The following HNRNPUL1 variants were observed in gnomAD, a reference collection of about 807,000 sequenced individuals.
HNRNPUL1 encodes heterogeneous nuclear ribonucleoprotein U-like protein 1.
HNRNPUL1 carries 14 observed loss-of-function variants against 108.5 expected under a neutral mutation model. The observed-to-expected ratio is 0.13, with a 90% CI of 0.09 to 0.20. The LOEUF (loss-of-function observed/expected upper bound fraction) is 0.20. HNRNPUL1 is among the 10% of genes least tolerant of loss of function. The probability of loss-of-function intolerance (pLI) is 1.00; values close to 1 mark genes in which losing one functional copy is unlikely to be tolerated. For missense variants in HNRNPUL1, 804 were observed against 1,168.3 expected, an observed-to-expected ratio of 0.69 and a Z score of 4.55; for synonymous variants, 422 against 445.2, an observed-to-expected ratio of 0.95 and a Z score of 0.66.
At position 41,292,481 on chromosome 19, in the gene HNRNPUL1, C is replaced by T. The variant is rs763871796; in HGVS notation, c.1236C>T (p.Thr412=). The change falls in exon 8 of 15, where the codon ACC becomes ACT. Residue 412 remains threonine (T), a synonymous_variant. Coordinates refer to ENST00000392006, the MANE Select transcript of HNRNPUL1 (RefSeq NM_007040.6). This position sits in a 1 kb window ranked among gnomAD's most constrained non-coding sequence, Gnocchi z 4.1. The stretch of plus-strand genomic sequence containing the variant: ...CCCTTAGTGAGCGTATCCGGGGCAC[C>T]GTTGGACCAAAGAGCAAGGCAGAAT... ...HLPLSERIRG[T]VGPKSKAECE... 9.9e-6 allele frequency: 16 copies of T among 1,612,836 alleles called. No homozygotes were observed. Among genetic ancestry groups the T allele is most frequent in the East Asian group, 2.2e-5 (1 of 44,814 alleles).
chr19:41,302,675 G>A lies in HNRNPUL1; in HGVS notation c.1698G>A (p.Thr566=), dbSNP rs780628156. The A allele has an allele frequency of 1.1e-5, 18 of 1,614,018 alleles. No individual in the cohort carries two copies. Among genetic ancestry groups the A allele is most frequent in the Middle Eastern group, 1.6e-4 (1 of 6,084 alleles). The change falls in exon 12 of 15, where the codon ACG becomes ACA. Residue 566 remains threonine, a synonymous_variant. Transcript: ENST00000392006. ...HAVLEMKANF[T]LPDVGDFLDE... is the part of the protein sequence containing the mutation. The stretch of plus-strand genomic sequence containing the variant: ...CTTCCTTCCTCCTAGCCAACTTCAC[G>A]TTGCCAGATGTTGGGGACTTCCTGG...
intron 3 of HNRNPUL1, 71 bp from the exon 4 acceptor site, chr19:41,273,911 A>G (rs1395399307): frequency 4.8e-6 from 6 of 1,258,628 alleles, no homozygotes; most frequent in Non-Finnish European, 6.9e-6. Flanking sequence ...AGATTACAGC[A>G]GAACATTCAT....
chr19:41,270,677 C>T (rs1000225350), intron 2 of HNRNPUL1, among the ~76,000 whole-genome samples: 1 of 146,048 alleles, frequency 6.8e-6, no homozygotes. Context: ...CTCACTGCAA[C>T]CTCTGCCTCC....
intron 7 of HNRNPUL1, among the ~76,000 whole-genome samples, chr19:41,282,361 TA>T (rs1365152570): frequency 6.6e-6 from 1 of 152,142 alleles, no homozygotes; most frequent in Non-Finnish European, 1.5e-5. Flanking sequence ...TTTGTATTTT[TA>T]GTAGAGACGG....
intron 3 of HNRNPUL1, among the ~76,000 whole-genome samples, chr19:41,272,620 G>A (rs1051678428): frequency 6.6e-6 from 1 of 152,218 alleles, no homozygotes; most frequent in Admixed American, 6.5e-5. Context: ...CATTCAGTCA[G>A]TTCTCACAGT....
At chr19:41,271,147 G>A (rs1378538295) in intron 2 of HNRNPUL1, among the ~76,000 whole-genome samples, 3 of 152,182 alleles carry the variant, frequency 2.0e-5, no homozygotes, top group African/African-American at 7.2e-5. Flanking sequence ...GGTTGATTTT[G>A]TCTAACGCCA....
chr19:41,282,612 C>T lies in HNRNPUL1; in HGVS notation c.999+1337C>T, dbSNP rs567445619. 2.6e-5 allele frequency among the ~76,000 whole-genome samples: 4 copies of T among 152,264 alleles called. No individual in the cohort carries two copies. The East Asian group carries it at 5.8e-4, about 22-fold the overall frequency. On this transcript the variant is annotated intron_variant, in intron 7 of 14. Transcript: ENST00000392006. ...TTACCATTTTCATGTTTATGGTGTACATACACATAGAGAGTTAACTCTTCA... is the reference window on the plus strand; with the variant it reads ...TTACCATTTTCATGTTTATGGTGTATATACACATAGAGAGTTAACTCTTCA...
chr19:41,266,903 G>A (rs2034884644), intron 1 of HNRNPUL1, among the ~76,000 whole-genome samples: 1 of 152,230 alleles, frequency 6.6e-6, no homozygotes, highest in South Asian at 2.1e-4. Context: ...GAAGAAAGGA[G>A]TGGGCCTGTG....
At chr19:41,285,891 G>A (rs1298748608) in intron 7 of HNRNPUL1, among the ~76,000 whole-genome samples, 3 of 152,150 alleles carry the variant, frequency 2.0e-5, no homozygotes, top group Non-Finnish European at 4.4e-5. Flanking sequence ...ACTACTGGCT[G>A]AGCGCAGTGG....
chr19:41,270,128 G>A (rs182979943), intron 2 of HNRNPUL1, among the ~76,000 whole-genome samples: 8 of 152,250 alleles, frequency 5.3e-5, no homozygotes, highest in African/African-American at 7.2e-5. Context: ...GATTTCAGGC[G>A]CCTGCCACCA....
At chr19:41,283,652 C>T (rs928227775) in intron 7 of HNRNPUL1, among the ~76,000 whole-genome samples, 12 of 152,150 alleles carry the variant, frequency 7.9e-5, no homozygotes, top group African/African-American at 1.7e-4. Flanking sequence ...GTTGGGGTTT[C>T]GCCGTGTTGG....
At chr19:41,302,344 G>A (rs11881953) in intron 11 of HNRNPUL1, 50,589 of 363,030 alleles carry the variant, frequency 0.14, 3,992 homozygotes, top group East Asian at 0.28. Flanking sequence ...TCAGCCTCCC[G>A]AGTAGCTGGG....
intron 12 of HNRNPUL1, 61 bp from the exon 13 acceptor site, chr19:41,303,911 A>G: frequency 6.4e-7 from 1 of 1,557,602 alleles, no homozygotes; most frequent in South Asian, 1.2e-5. Flanking sequence ...AAGACAACCC[A>G]GTTCCCTGGG....
At chr19:41,273,263 A>C (rs1162869095) in intron 3 of HNRNPUL1, among the ~76,000 whole-genome samples, 6 of 152,174 alleles carry the variant, frequency 3.9e-5, no homozygotes, top group Admixed American at 3.3e-4. Flanking sequence ...GGGGCCCTCC[A>C]CCAGAGGGAA....
At chr19:41,298,414 C>G (rs972359429) in intron 10 of HNRNPUL1, 4 of 152,240 alleles carry the variant, frequency 2.6e-5, no homozygotes, top group African/African-American at 9.7e-5. Flanking sequence ...AGCTGTTGTG[C>G]TGGTCTCATA....
chr19:41,264,093 T>C (rs1248756559), upstream of HNRNPUL1, among the ~76,000 whole-genome samples: 2 of 152,210 alleles, frequency 1.3e-5, no homozygotes, highest in Non-Finnish European at 2.9e-5. Context: ...TACTCCCTTA[T>C]TTTCATTGGA....
In HNRNPUL1 at chr19:41,272,184, C is replaced by A. The variant is rs868518443; in HGVS notation, c.521C>A (p.Pro174His). Residue 174 changes from proline to histidine, a missense_variant, in exon 3 of 15, where the codon CCT becomes CAT. This residue lies in a region of HNRNPUL1 where 256 missense variants were observed against 261.6 expected (regional missense o/e 0.98). Coordinates refer to ENST00000392006, the MANE Select transcript of HNRNPUL1 (RefSeq NM_007040.6). ...CAGCAATTCCAGAGTCGAAAGAGGC[C>A]TTATGAAGAAAACCGGGGACGGGGG... ...DRQQFQSRKR[P>H]YEENRGRGYF... 2 of 1,614,088 alleles carry A rather than the reference C, an allele frequency of 1.2e-6. No individual in the cohort carries two copies. Among genetic ancestry groups the A allele is most frequent in the African/African-American group, 1.3e-5 (1 of 75,002 alleles).
chr19:41,280,590 A>G (rs1206905962), intron 6 of HNRNPUL1, among the ~76,000 whole-genome samples: 2 of 152,116 alleles, frequency 1.3e-5, no homozygotes, highest in African/African-American at 4.8e-5. Flanking sequence ...CCTGGCATTC[A>G]TGCTTGTCGG....
intron 7 of HNRNPUL1, chr19:41,286,625 C>G (rs2036242660): frequency 6.6e-6 from 1 of 151,636 alleles, no homozygotes; most frequent in South Asian, 2.1e-4. Flanking sequence ...CACTACAGCC[C>G]AGAACTGGGC....
Sources: allele counts gnomAD v4.1 joint callset (sites outside exome capture counted in the v4.1 genomes callset), GRCh38; gene constraint gnomAD v4.1.1; regional missense constraint gnomAD v4.1.1; non-coding constraint Gnocchi (gnomAD v3.1); transcripts MANE v1.5; gene names NCBI Gene and HGNC (gene_info 2026-07-23, HGNC 2026-07-21).